ZNF536: variants seen among roughly 807,000 people sequenced by gnomAD.
ZNF536 encodes the protein zinc finger protein 536.
ZNF536 carries 13 observed loss-of-function variants against 84.5 expected under a neutral mutation model. That is an observed-to-expected ratio of 0.15 (90% CI 0.10 to 0.24). The LOEUF (loss-of-function observed/expected upper bound fraction) is 0.24, where lower values mean the gene tolerates loss of function less well. ZNF536 is among the 10% of genes least tolerant of loss of function. ZNF536 has a pLI of 1.00. For synonymous variants in ZNF536, 811 were observed against 742.5 expected, an observed-to-expected ratio of 1.09 and a Z score of -1.50; for missense variants, 1,536 against 1,747.5, an observed-to-expected ratio of 0.88 and a Z score of 2.16.
intron 2 of ZNF536, among the ~76,000 whole-genome samples, chr19:30,306,643 C>G (rs750083542): frequency 2.0e-5 from 3 of 152,076 alleles, no homozygotes; most frequent in Non-Finnish European, 4.4e-5. Context: ...AGAAAGAAGG[C>G]GAAAATGTTC....
intron 3 of ZNF536, among the ~76,000 whole-genome samples, chr19:30,361,754 C>T (rs1271687644): frequency 6.7e-6 from 1 of 149,234 alleles, no homozygotes; most frequent in Admixed American, 6.8e-5. Flanking sequence ...TAAATTTCTT[C>T]TGCCACGTTC....
intron 1 of ZNF536, among the ~76,000 whole-genome samples, chr19:30,262,292 A>G (rs1211891962): frequency 2.0e-5 from 3 of 152,214 alleles, no homozygotes; most frequent in Admixed American, 6.5e-5. Context: ...TAGGTCCTCC[A>G]GGTGCAGGTG....
intron 2 of ZNF536, among the ~76,000 whole-genome samples, chr19:30,511,168 G>T (rs555585552): frequency 5.3e-4 from 80 of 152,256 alleles, no homozygotes; most frequent in Middle Eastern, 6.8e-3. Flanking sequence ...ATGTGGCTTG[G>T]CGAGGCTTTT....
At chr19:30,339,417 T>A (rs2047492494) in intron 2 of ZNF536, among the ~76,000 whole-genome samples, 1 of 152,174 alleles carries the variant, frequency 6.6e-6, no homozygotes, top group African/African-American at 2.4e-5. Context: ...CTCTCACTCA[T>A]CTGCTGGGTG....
chr19:30,461,803 G>A (rs899490694), intron 2 of ZNF536, among the ~76,000 whole-genome samples: 9 of 152,300 alleles, frequency 5.9e-5, no homozygotes, highest in South Asian at 2.1e-4. Flanking sequence ...CCGCAGCTCC[G>A]TGTGGGGAGA....
At chr19:30,593,469 G>A (rs1654779293) in intron 1 of ZNF536, among the ~76,000 whole-genome samples, 1 of 152,194 alleles carries the variant, frequency 6.6e-6, no homozygotes, top group African/African-American at 2.4e-5. Context: ...CACCCAGCCA[G>A]CAGCCCTCAG....
At chr19:30,568,273 T>C (rs144205481) in intron 1 of ZNF536, among the ~76,000 whole-genome samples, 2,979 of 152,296 alleles carry the variant, frequency 0.02, 36 homozygotes, top group Middle Eastern at 0.031. Flanking sequence ...GTGAAGAAGG[T>C]GAGGAAAGTA....
chr19:30,280,904 G>C (rs960688512), intron 1 of ZNF536, among the ~76,000 whole-genome samples: 23 of 152,308 alleles, frequency 1.5e-4, no homozygotes, highest in Admixed American at 3.9e-4. Context: ...AGAGGGGCCC[G>C]TGCAGGGCTA....
intron 1 of ZNF536, among the ~76,000 whole-genome samples, chr19:30,431,280 C>G (rs945308731): frequency 3.3e-5 from 5 of 152,158 alleles, no homozygotes; most frequent in Non-Finnish European, 7.3e-5. Flanking sequence ...GTCTGGTGAC[C>G]TGTGCAGGAG....
chr19:30,421,201 A>T (rs2050942308), intron 1 of ZNF536, among the ~76,000 whole-genome samples: 1 of 152,164 alleles, frequency 6.6e-6, no homozygotes, highest in Admixed American at 6.5e-5. Context: ...GGTAGATTTT[A>T]AAATTACTTT....
chr19:30,457,515 A>G (rs1416325160), intron 2 of ZNF536, among the ~76,000 whole-genome samples: 1 of 152,176 alleles, frequency 6.6e-6, no homozygotes, highest in Non-Finnish European at 1.5e-5. Flanking sequence ...AGGCCCAGTG[A>G]AAGCTTTGTT....
rs1480150326 is a variant in ZNF536, at chr19:30,390,751, AG to A, written c.-3+18197del. Among the ~76,000 whole-genome samples, 3 of 152,164 alleles carry A rather than the reference AG, an allele frequency of 2.0e-5. No individual in the cohort carries two copies. In the East Asian group the frequency reaches 5.8e-4, roughly 29 times the overall value. Reference sequence around the variant, plus strand: ...GCAGGCAGCCCCGTGAGCTTACTGGAGGATTCTAATCAAGTGACTGGGAGGC... The same window carrying A: ...GCAGGCAGCCCCGTGAGCTTACTGGAGATTCTAATCAAGTGACTGGGAGGC... On this transcript the variant is annotated intron_variant, in intron 1 of 4. Transcript: ENST00000355537.
At chr19:30,326,791 C>CATTTTT (rs1206621206) in intron 2 of ZNF536, among the ~76,000 whole-genome samples, 1 of 51,958 alleles carries the variant, frequency 1.9e-5, no homozygotes, top group African/African-American at 7.8e-5. Flanking sequence ...TTATAAAAAG[C>CATTTTT]TTTTTTTTTT....
chr19:30,627,142 G>A (rs1435222313), intron 1 of ZNF536, among the ~76,000 whole-genome samples: 1 of 151,978 alleles, frequency 6.6e-6, no homozygotes. Context: ...TGTTTCTGGG[G>A]GTAGATAAAT....
At chr19:30,388,116 C>T (rs116304763) in intron 1 of ZNF536, among the ~76,000 whole-genome samples, 8 of 152,028 alleles carry the variant, frequency 5.3e-5, no homozygotes, top group Admixed American at 1.3e-4. Flanking sequence ...GGGAGAAACA[C>T]GAGGGGAAAA....
intron 1 of ZNF536, among the ~76,000 whole-genome samples, chr19:30,380,543 T>G (rs1568373484): frequency 1.3e-5 from 2 of 152,184 alleles, no homozygotes; most frequent in Non-Finnish European, 2.9e-5. Flanking sequence ...GTTAACTTTT[T>G]TAGCACTCTG....
At chr19:30,333,539 C>G (rs1371820660) in intron 2 of ZNF536, among the ~76,000 whole-genome samples, 1 of 152,090 alleles carries the variant, frequency 6.6e-6, no homozygotes, top group Non-Finnish European at 1.5e-5. Flanking sequence ...CTGTCTTTGT[C>G]TGGGGCTTCC....
intron 1 of ZNF536, among the ~76,000 whole-genome samples, chr19:30,596,324 C>T (rs1435392483): frequency 6.6e-6 from 1 of 152,076 alleles, no homozygotes; most frequent in Non-Finnish European, 1.5e-5. Context: ...AATAAAAGAA[C>T]GTCTCTGGCT....
chr19:30,600,237 C>A (rs540620143), intron 1 of ZNF536, among the ~76,000 whole-genome samples: 2 of 152,200 alleles, frequency 1.3e-5, no homozygotes, highest in East Asian at 3.9e-4. Flanking sequence ...AGATTACAGG[C>A]ATGCCCCACC....
Sources: allele counts gnomAD v4.1 joint callset (sites outside exome capture counted in the v4.1 genomes callset), GRCh38; gene constraint gnomAD v4.1.1; transcripts MANE v1.5; gene names NCBI Gene and HGNC (gene_info 2026-07-23, HGNC 2026-07-21).